The following HDGFL3 variants were observed in gnomAD, a reference collection of about 807,000 sequenced individuals.
HDGFL3 encodes the protein hepatoma-derived growth factor-related protein 3.
Under a neutral mutation model 27.6 loss-of-function variants are expected in HDGFL3, and 6 were observed. That is an observed-to-expected ratio of 0.22 (90% CI 0.12 to 0.43). The LOEUF (loss-of-function observed/expected upper bound fraction) is 0.43. Among genes scored for constraint, HDGFL3 ranks in the 20% least tolerant of loss-of-function variants. The probability of loss-of-function intolerance (pLI) is 1.00; values close to 1 mark genes in which losing one functional copy is unlikely to be tolerated. For synonymous variants in HDGFL3, 88 were observed against 88.9 expected (o/e 0.99, Z 0.05); for missense variants, 207 against 250.1 (o/e 0.83, Z 1.16).
chr15:83,187,744 C>G (rs1036046510), intron 1 of HDGFL3, among the ~76,000 whole-genome samples: 2 of 151,960 alleles, frequency 1.3e-5, no homozygotes, highest in African/African-American at 4.8e-5. Context: ...CAAAATTAGC[C>G]CGACATGGTG....
At chr15:83,140,134 A>G (rs1308483415) in intron 5 of HDGFL3, among the ~76,000 whole-genome samples, 1 of 152,068 alleles carries the variant, frequency 6.6e-6, no homozygotes, top group Non-Finnish European at 1.5e-5. Flanking sequence ...ACTGATGGGT[A>G]TGTTCTCATT....
chr15:83,153,806 T>C (rs951813532), intron 4 of HDGFL3, among the ~76,000 whole-genome samples: 1 of 152,198 alleles, frequency 6.6e-6, no homozygotes, highest in African/African-American at 2.4e-5. Context: ...ATAGCCTTAC[T>C]GCTAAAGAGA....
intron 5 of HDGFL3, among the ~76,000 whole-genome samples, chr15:83,140,772 C>T (rs934362996): frequency 5.3e-5 from 8 of 152,110 alleles, no homozygotes; most frequent in African/African-American, 1.9e-4. Flanking sequence ...CGTGAGCCAC[C>T]GTGCCTGGCC....
intron 5 of HDGFL3, chr15:83,144,646 C>T (rs2036854917): frequency 2.5e-6 from 1 of 399,486 alleles, no homozygotes; most frequent in African/African-American, 2.1e-5. Context: ...GAGCTGAATC[C>T]TGCCAGGAAC....
At chr15:83,118,615 G>A (rs1269908951) in intron 3 of HDGFL3, among the ~76,000 whole-genome samples, 3 of 152,130 alleles carry the variant, frequency 2.0e-5, no homozygotes, top group Non-Finnish European at 4.4e-5. Flanking sequence ...TTGCCCCAGG[G>A]GAGCATGAAG....
intron 1 of HDGFL3, among the ~76,000 whole-genome samples, chr15:83,201,253 AAAAT>A (rs2037642860): frequency 6.6e-6 from 1 of 152,184 alleles, no homozygotes; most frequent in African/African-American, 2.4e-5. Flanking sequence ...AATTATGAGA[AAAAT>A]AAAGACATAC....
intron 5 of HDGFL3, among the ~76,000 whole-genome samples, chr15:83,139,636 A>T (rs1228852345): frequency 6.6e-6 from 1 of 152,242 alleles, no homozygotes; most frequent in Non-Finnish European, 1.5e-5. Flanking sequence ...TTGTGAGGAC[A>T]TTCTTCAGAA....
At chr15:83,147,514 G>GAAA (rs2036913199) in intron 5 of HDGFL3, among the ~76,000 whole-genome samples, 1 of 152,050 alleles carries the variant, frequency 6.6e-6, no homozygotes, top group Non-Finnish European at 1.5e-5. Context: ...CCCAGACCAT[G>GAAA]ACTATTAAAT....
intron 5 of HDGFL3, among the ~76,000 whole-genome samples, chr15:83,142,741 A>AGTAT (rs2036802704): frequency 6.6e-6 from 1 of 152,156 alleles, no homozygotes; most frequent in Non-Finnish European, 1.5e-5. Flanking sequence ...TTCTTCATAT[A>AGTAT]CCTTCAACCA....
chr15:83,197,912 G>A (rs894622648), intron 1 of HDGFL3, among the ~76,000 whole-genome samples: 2 of 144,442 alleles, frequency 1.4e-5, no homozygotes, highest in African/African-American at 2.5e-5. Context: ...GTGTGCGCCT[G>A]TAATCCCAGC....
chr15:83,119,756 A>C, intron 3 of HDGFL3: 2 of 1,597,492 alleles, frequency 1.3e-6, no homozygotes, highest in Non-Finnish European at 1.7e-6. Flanking sequence ...AACGTTATGC[A>C]TAGAGGCAAA....
In HDGFL3 at chr15:83,207,698, C is replaced by CCGG. The variant is rs1180227786; in HGVS notation, c.-285_-284insCCG. The stretch of plus-strand genomic sequence containing the variant: ...GCCAAGGTCCCCGCCGCCGCCGCCG[C>CCGG]CGCCGCCGCGCGCGCTGCTCACCAG... On this transcript the variant is annotated 5_prime_UTR_variant, in exon 1 of 6. Coordinates refer to ENST00000299633, the MANE Select transcript of HDGFL3 (RefSeq NM_016073.4). The surrounding 1 kb of genome is among the most constrained non-coding windows in gnomAD (Gnocchi z 4.8). 1 of 153,314 alleles carries CCGG rather than the reference C, an allele frequency of 6.5e-6. No individual in the cohort carries two copies. The highest frequency in any genetic ancestry group is 2.5e-5 in the African/African-American group (1 of 40,744). 9.5% of individuals were successfully genotyped at this position (153,314 alleles called of 1,614,324 possible).
intron 3 of HDGFL3, among the ~76,000 whole-genome samples, chr15:83,117,748 G>A (rs2034804188): frequency 6.6e-6 from 1 of 152,070 alleles, no homozygotes; most frequent in Non-Finnish European, 1.5e-5. Flanking sequence ...GGTCCAGCAG[G>A]CTGTGACAAG....
chr15:83,191,935 C>CTTTTTTTTT (rs749998701), intron 1 of HDGFL3, among the ~76,000 whole-genome samples: 1 of 106,716 alleles, frequency 9.4e-6, no homozygotes, highest in Non-Finnish European at 1.9e-5. Context: ...CTTATCTCTC[C>CTTTTTTTTT]TTTTTTTTTT....
rs199766439 is a variant in HDGFL3, at chr15:83,115,816, T to C, written c.394-75A>G. 2.6e-4 allele frequency: 392 copies of C among 1,523,062 alleles called. 3 individuals are homozygous for C. The Admixed American group carries it at 5.7e-3, about 22-fold the overall frequency. 94.3% of individuals were successfully genotyped at this position (1,523,062 alleles called of 1,614,324 possible). A position where few individuals can be genotyped will look rare whatever the true frequency, so the allele number is the denominator to read the frequency against. On this transcript the variant is annotated intron_variant, in intron 3 of 3. Transcript: ENST00000568294. The stretch of plus-strand genomic sequence containing the variant: ...TAGTAATTGTCTCCTGAGCTATTGC[T>C]TTTTAAACTGCTGCTTTCTTTGCTC...
chr15:83,122,746 C>G, intron 3 of HDGFL3: 1 of 1,611,896 alleles, frequency 6.2e-7, no homozygotes, highest in South Asian at 1.1e-5. Context: ...CTCTTTCTCT[C>G]TTTTAAATAG....
Position 83,132,701 on chromosome 15 carries a change from A to T in HDGFL3, c.*6569T>A, listed in dbSNP as rs1019593833. Reference sequence around the variant, plus strand: ...GAGCCACCACGCTCAGCCTGGAAGTAAATTTCATACGGTTTTTCCCTCATG... The same window carrying T: ...GAGCCACCACGCTCAGCCTGGAAGTTAATTTCATACGGTTTTTCCCTCATG... On this transcript the variant is annotated 3_prime_UTR_variant, in exon 6 of 6. Coordinates refer to ENST00000299633, the MANE Select transcript of HDGFL3 (RefSeq NM_016073.4). 5 of 152,138 alleles carry T rather than the reference A, an allele frequency of 3.3e-5. No individual in the cohort carries two copies. Among genetic ancestry groups the T allele is most frequent in the Non-Finnish European group, 5.9e-5 (4 of 68,040 alleles). The allele number at this position is 152,138 out of a possible 1,614,324, so 9.4% of individuals were successfully genotyped here.
At chr15:83,155,581 T>C (rs923231768) in intron 4 of HDGFL3, among the ~76,000 whole-genome samples, 1 of 152,250 alleles carries the variant, frequency 6.6e-6, no homozygotes. Flanking sequence ...AATTACTTTG[T>C]CGTCATTTGC....
At position 83,169,353 on chromosome 15, in the gene HDGFL3, T is replaced by G. The variant is rs2037214504; in HGVS notation, c.85-5278A>C. ...TGGCGTGAACCCGGGAGGCGGAGCT[T>G]GCAGTGAGCCGAGATCGCGCCACTG... is the stretch of plus-strand genomic sequence containing the variant. On this transcript the variant is annotated intron_variant, in intron 1 of 5. Coordinates refer to ENST00000299633, the MANE Select transcript of HDGFL3 (RefSeq NM_016073.4). The G allele has an allele frequency of 1.2e-5, 3 of 248,472 alleles. No homozygotes were observed. The Admixed American group carries it at 1.3e-4, about 11-fold the overall frequency. The allele number at this position is 248,472 out of a possible 1,614,324, so 15.4% of individuals were successfully genotyped here. A position where few individuals can be genotyped will look rare whatever the true frequency, so the allele number is the denominator to read the frequency against.
Sources: gnomAD v4.1 joint callset for allele counts (sites outside exome capture counted in the v4.1 genomes callset) on GRCh38, gnomAD v4.1.1 for gene constraint, Gnocchi (gnomAD v3.1) non-coding constraint, MANE v1.5 for transcripts, NCBI Gene and HGNC (gene_info 2026-07-23, HGNC 2026-07-21) for gene names.